BMPER: variants seen among roughly 807,000 people sequenced by gnomAD.
BMPER encodes the protein BMP binding endothelial regulator.
Under a neutral mutation model 87.3 loss-of-function variants are expected in BMPER, and 45 were observed. The observed-to-expected ratio is 0.52, with a 90% CI of 0.41 to 0.66. BMPER has a LOEUF of 0.66. BMPER is among the 30% of genes least tolerant of loss of function. BMPER has a pLI of 0.00. For missense variants in BMPER, 784 were observed against 867.5 expected, an observed-to-expected ratio of 0.90 and a Z score of 1.21; for synonymous variants, 326 against 316.2, an observed-to-expected ratio of 1.03 and a Z score of -0.33.
At chr7:34,114,774 T>C (rs908999933) in intron 13 of BMPER, among the ~76,000 whole-genome samples, 1 of 152,132 alleles carries the variant, frequency 6.6e-6, no homozygotes, top group African/African-American at 2.4e-5. Flanking sequence ...GAGAGGGCAG[T>C]GCAAAACTCC....
chr7:34,137,786 T>C (rs1790757845), intron 13 of BMPER, among the ~76,000 whole-genome samples: 1 of 152,190 alleles, frequency 6.6e-6, no homozygotes, highest in Admixed American at 6.5e-5. Flanking sequence ...GGTAAAAGAA[T>C]GAGTGGGGAA....
At chr7:33,980,659 G>A (rs1785827583) in intron 6 of BMPER, among the ~76,000 whole-genome samples, 1 of 152,178 alleles carries the variant, frequency 6.6e-6, no homozygotes, top group Non-Finnish European at 1.5e-5. Flanking sequence ...CTTACGGGAG[G>A]GAGTATAGCC....
At chr7:33,912,266 G>A (rs1783984293) in intron 2 of BMPER, among the ~76,000 whole-genome samples, 1 of 152,204 alleles carries the variant, frequency 6.6e-6, no homozygotes, top group East Asian at 1.9e-4. Flanking sequence ...GGACTCGGGA[G>A]CACTGTAATT....
At chr7:33,919,295 T>C (rs1273832542) in intron 2 of BMPER, among the ~76,000 whole-genome samples, 2 of 152,210 alleles carry the variant, frequency 1.3e-5, no homozygotes, top group Non-Finnish European at 2.9e-5. Flanking sequence ...TTTTAGACTT[T>C]TTCAAGGGAG....
intron 6 of BMPER, among the ~76,000 whole-genome samples, chr7:34,030,641 G>T (rs575237768): frequency 1.2e-3 from 181 of 148,334 alleles, no homozygotes; most frequent in Middle Eastern, 0.01. Context: ...TTTTTTTTTC[G>T]AGATGGGGTC....
intron 6 of BMPER, among the ~76,000 whole-genome samples, chr7:34,029,232 T>C (rs574554756): frequency 2.0e-5 from 3 of 152,052 alleles, no homozygotes; most frequent in Non-Finnish European, 4.4e-5. Flanking sequence ...TTGTGCCAAA[T>C]TTGAAGATCA....
At position 34,061,477 on chromosome 7, in the gene BMPER, G is replaced by A. The variant is rs574083827; in HGVS notation, c.1033-525G>A. Among the ~76,000 whole-genome samples, 2 of 152,298 alleles carry A rather than the reference G, an allele frequency of 1.3e-5. 1 individual carries two copies. The highest frequency in any genetic ancestry group is 1.3e-4 in the Admixed American group (2 of 15,294). Reference sequence around the variant, plus strand: ...GATAACATACCATTTTCTGAAACAAGAAATCTGACTGAATTTGATCTGTAG... The same window carrying A: ...GATAACATACCATTTTCTGAAACAAAAAATCTGACTGAATTTGATCTGTAG... On this transcript the variant is annotated intron_variant, in intron 10 of 14. Transcript: ENST00000649409.
At chr7:34,010,574 C>T (rs899908398) in intron 6 of BMPER, among the ~76,000 whole-genome samples, 1 of 151,806 alleles carries the variant, frequency 6.6e-6, no homozygotes, top group Non-Finnish European at 1.5e-5. Context: ...TCTTCATTTC[C>T]ATTTAGATTG....
intron 1 of BMPER, 123 bp from the exon 2 acceptor site, chr7:33,906,695 C>A: frequency 2.4e-6 from 2 of 845,870 alleles, no homozygotes; most frequent in Non-Finnish European, 3.9e-6. Flanking sequence ...ATAATTTAAA[C>A]CACATTAAGA....
chr7:34,105,162 G>A (rs540907668), intron 13 of BMPER, among the ~76,000 whole-genome samples: 27 of 152,268 alleles, frequency 1.8e-4, no homozygotes, highest in African/African-American at 5.3e-4. Flanking sequence ...GTAGAGTCAT[G>A]TTGCTGCTAA....
At chr7:33,986,771 T>G (rs1162248812) in intron 6 of BMPER, among the ~76,000 whole-genome samples, 3 of 152,136 alleles carry the variant, frequency 2.0e-5, no homozygotes, top group Non-Finnish European at 4.4e-5. Flanking sequence ...GAAATATCCT[T>G]TTTAGTCAAC....
At chr7:34,019,079 T>G (rs948581078) in intron 6 of BMPER, among the ~76,000 whole-genome samples, 4 of 152,002 alleles carry the variant, frequency 2.6e-5, no homozygotes, top group African/African-American at 9.7e-5. Context: ...GACAACTTAT[T>G]TAATTACTCC....
intron 6 of BMPER, among the ~76,000 whole-genome samples, chr7:34,026,553 C>T (rs1347030559): frequency 6.6e-6 from 1 of 152,030 alleles, no homozygotes; most frequent in African/African-American, 2.4e-5. Flanking sequence ...TCTGAGGATG[C>T]TCTGCTTAAA....
chr7:34,051,611 G>A (rs1788146967), intron 7 of BMPER, among the ~76,000 whole-genome samples: 1 of 152,142 alleles, frequency 6.6e-6, no homozygotes, highest in African/African-American at 2.4e-5. Context: ...GGTTCACTGT[G>A]ATGAACACAT....
Position 33,986,576 on chromosome 7 carries a change from C to T in BMPER, c.576+11792C>T, listed in dbSNP as rs190179850. On this transcript the variant is annotated intron_variant, in intron 6 of 14. Coordinates refer to ENST00000649409, the MANE Select transcript of BMPER (RefSeq NM_001365308.1). ...AATGAGCATGGTTACATGAAAGATT[C>T]ATGATAAATCTGTAGAGGAAGAGGC... Among the ~76,000 whole-genome samples, 4 of 152,146 alleles carry T rather than the reference C, an allele frequency of 2.6e-5. No individual in the cohort carries two copies. The East Asian group carries it at 7.8e-4, about 30-fold the overall frequency.
intron 2 of BMPER, among the ~76,000 whole-genome samples, chr7:33,924,711 G>A (rs1240650263): frequency 1.3e-5 from 2 of 152,002 alleles, no homozygotes; most frequent in African/African-American, 2.4e-5. Context: ...TCTGTCGCCC[G>A]GGCTGGAGTG....
In BMPER at chr7:34,153,187, C is replaced by A; in HGVS notation, c.1972C>A (p.Pro658Thr). 6.2e-7 allele frequency: 1 copy of A among 1,613,994 alleles called. No individual in the cohort carries two copies. The highest frequency in any genetic ancestry group is 1.3e-5 in the African/African-American group (1 of 75,014). The change falls in exon 15 of 15, where the codon CCG (proline) becomes ACG (threonine). Residue 658 changes from proline (P) to threonine (T), a missense_variant. Physicochemically the swap from Pro to Thr is conservative, Grantham distance 38. Coordinates refer to ENST00000649409, the MANE Select transcript of BMPER (RefSeq NM_001365308.1). The stretch of plus-strand genomic sequence containing the variant: ...GAATGAAATTGGTCCATGCAACAAG[C>A]CGTGCGTTGCTGGGTGCCACTGTCC... ...NWNEIGPCNK[P>T]CVAGCHCPAN...
chr7:33,977,091 G>T (rs1785706990), intron 6 of BMPER, among the ~76,000 whole-genome samples: 1 of 152,170 alleles, frequency 6.6e-6, no homozygotes, highest in African/African-American at 2.4e-5. Context: ...ATAAATGGGA[G>T]AAACAATGGA....
chr7:33,905,385 A>T (rs1178628447), upstream of BMPER: 5 of 384,572 alleles, frequency 1.3e-5, no homozygotes, highest in South Asian at 9.9e-5. Flanking sequence ...GCCGCATCGG[A>T]GGAGCCTGGC....
Sources: gnomAD v4.1 joint callset for allele counts (sites outside exome capture counted in the v4.1 genomes callset) on GRCh38, gnomAD v4.1.1 for gene constraint, MANE v1.5 for transcripts, NCBI Gene and HGNC (gene_info 2026-07-23, HGNC 2026-07-21) for gene names.